Variants in NDFIP2 observed in about 807,000 individuals in gnomAD.
NDFIP2 encodes the protein NEDD4 family-interacting protein 2.
Under a neutral mutation model 36.0 loss-of-function variants are expected in NDFIP2, and 19 were observed. That is an observed-to-expected ratio of 0.53 (90% CI 0.37 to 0.77). The LOEUF (loss-of-function observed/expected upper bound fraction) is 0.77, where lower values mean the gene tolerates loss of function less well. NDFIP2 is among the 30% of genes least tolerant of loss of function. NDFIP2 has a pLI of 0.00. For missense variants in NDFIP2, 446 were observed against 435.8 expected (o/e 1.02, Z -0.21); for synonymous variants, 181 against 167.7 (o/e 1.08, Z -0.61).
chr13:79,545,500 A>G (rs1408446942), intron 5 of NDFIP2, among the ~76,000 whole-genome samples: 1 of 152,210 alleles, frequency 6.6e-6, no homozygotes, highest in African/African-American at 2.4e-5. Context: ...AGTTAGAGTT[A>G]ATGTTATGCC....
At chr13:79,495,652 T>G (rs1406907431) in intron 1 of NDFIP2, among the ~76,000 whole-genome samples, 3 of 151,984 alleles carry the variant, frequency 2.0e-5, no homozygotes, top group African/African-American at 7.2e-5. Flanking sequence ...TAGGTCTTAC[T>G]TTTAACAGCC....
At chr13:79,514,847 C>G (rs1161632954) in intron 1 of NDFIP2, among the ~76,000 whole-genome samples, 1 of 152,088 alleles carries the variant, frequency 6.6e-6, no homozygotes, top group Non-Finnish European at 1.5e-5. Context: ...TAAAAAGATA[C>G]TCTTTCTGAT....
chr13:79,533,216 G>A (rs1875085570), intron 2 of NDFIP2, 107 bp from the exon 3 acceptor site: 1 of 851,754 alleles, frequency 1.2e-6, no homozygotes, highest in Non-Finnish European at 1.8e-6. Context: ...GCCTATAATA[G>A]CAATAGTAGT....
chr13:79,551,551 C>G (rs182663045), intron 7 of NDFIP2, among the ~76,000 whole-genome samples: 6 of 151,274 alleles, frequency 4.0e-5, no homozygotes, highest in South Asian at 2.1e-4. Flanking sequence ...AGAAAAAAAT[C>G]TGATTGAAAA....
In NDFIP2 at chr13:79,481,395, T is replaced by TGCG. The variant is rs1367321808; in HGVS notation, c.196_198dup (p.Ala66dup). The TGCG allele has an allele frequency of 1.3e-6, 2 of 1,550,250 alleles. No homozygotes were observed. Among genetic ancestry groups the TGCG allele is most frequent in the Non-Finnish European group, 1.7e-6 (2 of 1,146,586 alleles). ...GCAGGAACGGAGGCGGAAGGGGCCCTGCGGCGACGACGTCGTCGACGGGGG... is the reference window on the plus strand; with the variant it reads ...GCAGGAACGGAGGCGGAAGGGGCCCTGCGGCGGCGACGACGTCGTCGACGGGGG... On this transcript the variant is annotated inframe_insertion, in exon 1 of 8. Transcript: ENST00000218652.
At chr13:79,546,322 T>C (rs1402692227) in intron 5 of NDFIP2, among the ~76,000 whole-genome samples, 1 of 152,218 alleles carries the variant, frequency 6.6e-6, no homozygotes, top group East Asian at 1.9e-4. Context: ...CTTCTGATAC[T>C]ACTTCTATCT....
intron 1 of NDFIP2, among the ~76,000 whole-genome samples, chr13:79,517,235 A>C (rs1037068311): frequency 6.6e-6 from 1 of 152,182 alleles, no homozygotes; most frequent in Non-Finnish European, 1.5e-5. Context: ...ATAAGTAGGA[A>C]GAGCAGGAAT....
In NDFIP2 at chr13:79,481,358, G is replaced by A. The variant is rs1340396582; in HGVS notation, c.155G>A (p.Gly52Glu). 11 of 1,551,436 alleles carry A rather than the reference G, an allele frequency of 7.1e-6. No individual in the cohort carries two copies. The highest frequency in any genetic ancestry group is 8.7e-6 in the Non-Finnish European group (10 of 1,148,170). The change falls in exon 1 of 8, where the codon GGA (glycine) becomes GAA (glutamate). Residue 52 changes from glycine to glutamate, a missense_variant. By Grantham distance (98) the Gly-to-Glu change is moderately conservative. Transcript: ENST00000218652. ...GATGSEELPP[G>E]DRGCRNGGGR... ...ACAGGAAGTGAAGAGCTTCCGCCGG[G>A]AGACCGCGGCTGCAGGAACGGAGGC...
In NDFIP2 at chr13:79,481,473, C is replaced by T. The variant is rs577817063; in HGVS notation, c.270C>T (p.Pro90=). Residue 90 remains proline, a synonymous_variant, in exon 1 of 8, where the codon CCC becomes CCT. Coordinates refer to ENST00000218652, the MANE Select transcript of NDFIP2 (RefSeq NM_019080.3). ...ACTCCCTCTCTCGGAAGCCGGATCC[C>T]GAGCCGGGCAGGATGGATCACCACC... The part of the protein sequence containing the change: ...GEDSLSRKPD[P]EPGRMDHHQP... 28 of 1,562,536 alleles carry T rather than the reference C, an allele frequency of 1.8e-5. 1 individual carries two copies. In the Admixed American group the frequency reaches 5.0e-4, roughly 28 times the overall value.
chr13:79,524,108 C>A (rs9545130), intron 2 of NDFIP2, among the ~76,000 whole-genome samples: 14,931 of 152,214 alleles, frequency 0.098, 922 homozygotes, highest in Middle Eastern at 0.26. Context: ...GTTACTGATT[C>A]TGCTTCATTT....
At position 79,548,395 on chromosome 13, in the gene NDFIP2, G is replaced by GT; in HGVS notation, c.907+2dup. The GT allele has an allele frequency of 6.3e-7, 1 of 1,577,546 alleles. No individual in the cohort carries two copies. The highest frequency in any genetic ancestry group is 8.7e-7 in the Non-Finnish European group (1 of 1,154,596). On this transcript the variant is annotated splice_donor_variant, in intron 6 of 7. Coordinates refer to ENST00000218652, the MANE Select transcript of NDFIP2 (RefSeq NM_019080.3). LOFTEE classifies it high-confidence loss of function. ...CTTTGGTGGATATTTCTTGTACTTG[G>GT]TAAGTTTATTCTTAATGCATTTAGT...
intron 5 of NDFIP2, among the ~76,000 whole-genome samples, chr13:79,545,648 A>G (rs1469262281): frequency 6.6e-6 from 1 of 152,208 alleles, no homozygotes; most frequent in Non-Finnish European, 1.5e-5. Context: ...TCAAACTTTA[A>G]CTGTATCTCT....
Position 79,520,949 on chromosome 13 carries a change from T to G in NDFIP2, c.461T>G (p.Ile154Ser), listed in dbSNP as rs1874553269. 6.2e-7 allele frequency: 1 copy of G among 1,610,464 alleles called. No homozygotes were observed. The change falls in exon 2 of 8, where the codon ATT becomes AGT. Residue 154 changes from isoleucine (I) to serine (S), a missense_variant. Around this residue, in one of 2 missense-constraint regions of NDFIP2, gnomAD observed 369 missense variants for 304.8 expected, o/e 1.21. Transcript: ENST00000218652. ...TCTTCCCCTCCACCATATAGTAGTA[T>G]TACTGTGGAAGTACCTACAACTTCA... ...TDSSPPPYSS[I>S]TVEVPTTSDT...
At chr13:79,483,737 A>G (rs1386178996) in intron 1 of NDFIP2, among the ~76,000 whole-genome samples, 1 of 152,216 alleles carries the variant, frequency 6.6e-6, no homozygotes, top group Non-Finnish European at 1.5e-5. Flanking sequence ...CACAAGCTTT[A>G]TCTAGAAACT....
chr13:79,538,643 T>C (rs1264131297), intron 3 of NDFIP2, among the ~76,000 whole-genome samples: 1 of 152,114 alleles, frequency 6.6e-6, no homozygotes, highest in Non-Finnish European at 1.5e-5. Context: ...AGTGCAGCGG[T>C]GTGATCTCGG....
intron 2 of NDFIP2, among the ~76,000 whole-genome samples, chr13:79,522,580 A>G (rs1874628995): frequency 6.6e-6 from 1 of 152,166 alleles, no homozygotes; most frequent in African/African-American, 2.4e-5. Flanking sequence ...TCTCTCCTAG[A>G]GTCTTATGTG....
At chr13:79,514,891 A>G (rs1210027501) in intron 1 of NDFIP2, among the ~76,000 whole-genome samples, 1 of 152,196 alleles carries the variant, frequency 6.6e-6, no homozygotes, top group African/African-American at 2.4e-5. Context: ...TTACAATTCC[A>G]GATTATATCA....
chr13:79,507,116 T>A (rs1236014527), intron 1 of NDFIP2, among the ~76,000 whole-genome samples: 1 of 152,142 alleles, frequency 6.6e-6, no homozygotes, highest in Non-Finnish European at 1.5e-5. Context: ...GTATTTTTGC[T>A]TTTTTAGGGC....
At chr13:79,550,674 C>A (rs1166274485) in intron 6 of NDFIP2, among the ~76,000 whole-genome samples, 2 of 151,210 alleles carry the variant, frequency 1.3e-5, no homozygotes, top group Non-Finnish European at 3.0e-5. Flanking sequence ...AAGATTGAGC[C>A]CATGGGTTCA....
Sources: allele counts gnomAD v4.1 joint callset (sites outside exome capture counted in the v4.1 genomes callset), GRCh38; gene constraint gnomAD v4.1.1; regional missense constraint gnomAD v4.1.1; transcripts MANE v1.5; gene names NCBI Gene and HGNC (gene_info 2026-07-23, HGNC 2026-07-21).